Variants in CCNH observed in about 807,000 individuals in gnomAD.
CCNH encodes the protein cyclin-H.
A neutral mutation model predicts 41.9 loss-of-function variants in CCNH; 31 were observed. That is an observed-to-expected ratio of 0.74 (90% CI 0.56 to 1.00). CCNH has a LOEUF of 1.00. Ranked by LOEUF, CCNH falls within the 50% of genes least tolerant of loss-of-function variation. The probability of loss-of-function intolerance (pLI) is 0.00; values close to 1 mark genes in which losing one functional copy is unlikely to be tolerated. For synonymous variants in CCNH, 138 were observed against 136.1 expected, an observed-to-expected ratio of 1.01 and a Z score of -0.10; for missense variants, 362 against 388.4, an observed-to-expected ratio of 0.93 and a Z score of 0.57.
upstream of CCNH, among the ~76,000 whole-genome samples, chr5:87,377,378 T>C (rs1227184349): frequency 6.6e-6 from 1 of 152,224 alleles, no homozygotes; most frequent in African/African-American, 2.4e-5. Flanking sequence ...TCGCCCAGGC[T>C]GCAGTGCAGT....
exon 1 of CCNH, chr5:87,376,744 TC>T: frequency 1.6e-6 from 2 of 1,214,774 alleles, no homozygotes; most frequent in South Asian, 2.9e-5. Context: ...ACGAATTCAT[TC>T]TATTTTAAAT....
At chr5:87,391,576 T>C (rs754435063), downstream of CCNH, 6 of 235,506 alleles carry the variant, frequency 2.5e-5, no homozygotes, top group Admixed American at 2.2e-4. Context: ...CATAATGCTT[T>C]GTTAAATGTT....
At chr5:87,327,057 C>A (rs950402697) in intron 9 of CCNH, among the ~76,000 whole-genome samples, 7 of 152,018 alleles carry the variant, frequency 4.6e-5, no homozygotes, top group African/African-American at 1.7e-4. Context: ...TCCTCTACTC[C>A]CCTGTGATAC....
intron 9 of CCNH, chr5:87,341,384 A>G (rs1758439522): frequency 1.7e-6 from 2 of 1,172,470 alleles, no homozygotes; most frequent in South Asian, 5.6e-5. Flanking sequence ...ACTAATTGGA[A>G]AACTTTGGCC....
downstream of CCNH, among the ~76,000 whole-genome samples, chr5:87,371,741 C>T (rs1447585227): frequency 6.6e-6 from 1 of 152,044 alleles, no homozygotes; most frequent in Non-Finnish European, 1.5e-5. Flanking sequence ...AGTTAAATTC[C>T]ACCTAAGCTT....
At chr5:87,363,551 A>C (rs1272925794) in intron 9 of CCNH, 1 of 1,579,740 alleles carries the variant, frequency 6.3e-7, no homozygotes, top group Non-Finnish European at 8.7e-7. Context: ...TCTTAATAAT[A>C]AAATAGTACA....
At chr5:87,312,545 C>T in the CCNH span, among the ~76,000 whole-genome samples, 4 of 152,130 alleles carry the variant, frequency 2.6e-5, no homozygotes, top group Non-Finnish European at 5.9e-5. Context: ...TAGGGGCCAG[C>T]AATTTTTTAA....
At chr5:87,387,312 G>T (rs1031783926), downstream of CCNH, among the ~76,000 whole-genome samples, 1 of 152,088 alleles carries the variant, frequency 6.6e-6, no homozygotes, top group African/African-American at 2.4e-5. Context: ...AGACTGAAAA[G>T]TCTTCTTTTC....
upstream of CCNH, among the ~76,000 whole-genome samples, chr5:87,381,371 C>A (rs551068877): frequency 8.5e-4 from 130 of 152,234 alleles, 2 homozygotes; most frequent in South Asian, 7.5e-3. Context: ...ACTAATACCC[C>A]AACTAATTCC....
downstream of CCNH, chr5:87,389,308 G>T: frequency 6.5e-7 from 1 of 1,542,584 alleles, no homozygotes; most frequent in Non-Finnish European, 8.9e-7. Context: ...TTCAGCCTGG[G>T]CAACAAGAGC....
chr5:87,378,349 T>A, upstream of CCNH: 2 of 1,599,700 alleles, frequency 1.3e-6, no homozygotes, highest in Non-Finnish European at 1.7e-6. Context: ...TTGGTCACAT[T>A]AGGTCAGTCC....
chr5:87,343,643 C>T (rs1758638096), intron 9 of CCNH, among the ~76,000 whole-genome samples: 1 of 152,066 alleles, frequency 6.6e-6, no homozygotes. Flanking sequence ...AGTGCAGTTA[C>T]TATAGAGCAC....
In CCNH at chr5:87,395,076, C is replaced by A; in HGVS notation, c.901G>T (p.Asp301Tyr). Residue 301 changes from aspartate to tyrosine, a missense_variant, in exon 8 of 9, where the codon GAT becomes TAT. Physicochemically the swap from Asp to Tyr is radical, Grantham distance 160 (BLOSUM62 -3). Coordinates refer to ENST00000256897, the MANE Select transcript of CCNH (RefSeq NM_001239.4). ...TKKRKGYEDD[D>Y]YVSKKSKHEE... ...TGTTTGGATTTCTTTGAGACGTAAT[C>A]ATCATCTTCATAGCCTTTCCTCTTC... is the stretch of plus-strand genomic sequence containing the variant. 2 of 1,611,556 alleles carry A rather than the reference C, an allele frequency of 1.2e-6. No homozygotes were observed. Among genetic ancestry groups the A allele is most frequent in the Non-Finnish European group, 1.7e-6 (2 of 1,178,122 alleles).
rs972814310 is a variant in CCNH at position 87,332,408 on chromosome 5, G to T, written c.*91-13511C>A. On this transcript the variant is annotated intron_variant and NMD_transcript_variant, in intron 9 of 9. Coordinates refer to the CCNH transcript ENST00000645953. The stretch of plus-strand genomic sequence containing the variant: ...TATAAGGATATAGTTACAAGGAAAA[G>T]AGTATGGAAATTATGGATTTATAAT... The T allele has an allele frequency of 4.9e-6, 6 of 1,226,006 alleles. No individual in the cohort carries two copies. The African/African-American group carries it at 9.1e-5, about 19-fold the overall frequency. The allele number at this position is 1,226,006 out of a possible 1,614,324, so 75.9% of individuals were successfully genotyped here.
chr5:87,369,571 T>C lies in CCNH; in HGVS notation c.*90+23199A>G, dbSNP rs1227189984. Among the ~76,000 whole-genome samples the C allele has an allele frequency of 2.6e-5, 4 of 152,272 alleles. No homozygotes were observed. The East Asian group carries it at 7.7e-4, about 29-fold the overall frequency. ...CTTTATTTCTAATGTATTTTACAAT[T>C]AATTGAAATTTCTTTAGTTTACACT... On this transcript the variant is annotated intron_variant and NMD_transcript_variant, in intron 9 of 9. Transcript: ENST00000645953.
chr5:87,397,863 T>C (rs1763086990), intron 7 of CCNH, among the ~76,000 whole-genome samples: 2 of 152,270 alleles, frequency 1.3e-5, no homozygotes, highest in South Asian at 4.1e-4. Context: ...CCAGTTTCTG[T>C]TGCAACTACC....
chr5:87,394,977 A>T, intron 8 of CCNH, 67 bp downstream of exon 8: 1 of 1,605,818 alleles, frequency 6.2e-7, no homozygotes, highest in Non-Finnish European at 8.5e-7. Flanking sequence ...AATAAATCTT[A>T]ACAGTATAGT....
At chr5:87,382,124 G>A (rs1761759523), upstream of CCNH, among the ~76,000 whole-genome samples, 1 of 151,958 alleles carries the variant, frequency 6.6e-6, no homozygotes, top group Non-Finnish European at 1.5e-5. Context: ...GGCTATTTTT[G>A]TATTTTTAGT....
downstream of CCNH, chr5:87,374,286 C>G: frequency 6.2e-7 from 1 of 1,605,094 alleles, no homozygotes; most frequent in South Asian, 1.1e-5. Flanking sequence ...AAGGGAAGGG[C>G]AAAACCCAGT....
Sources: allele counts gnomAD v4.1 joint callset (sites outside exome capture counted in the v4.1 genomes callset), GRCh38; gene constraint gnomAD v4.1.1; transcripts MANE v1.5; gene names NCBI Gene and HGNC (gene_info 2026-07-23, HGNC 2026-07-21).